The following CACNA1C variants were observed in gnomAD, a reference collection of about 807,000 sequenced individuals.
CACNA1C encodes the protein calcium voltage-gated channel subunit alpha1 C.
CACNA1C carries 30 observed loss-of-function variants against 229.0 expected under a neutral mutation model. The observed-to-expected ratio is 0.13, with a 90% confidence interval of 0.10 to 0.18. The LOEUF (loss-of-function observed/expected upper bound fraction) is 0.18. CACNA1C is among the 10% of genes least tolerant of loss of function. The probability of loss-of-function intolerance (pLI) is 1.00; values close to 1 mark genes in which losing one functional copy is unlikely to be tolerated. For synonymous variants in CACNA1C, 1,114 were observed against 1,132.5 expected (o/e 0.98, Z 0.33); for missense variants, 1,658 against 2,845.0 (o/e 0.58, Z 9.49).
intron 3 of CACNA1C, among the ~76,000 whole-genome samples, chr12:2,246,976 A>T (rs1407910246): frequency 1.3e-5 from 2 of 152,132 alleles, no homozygotes; most frequent in East Asian, 3.9e-4. Flanking sequence ...ATGCCTACAC[A>T]TGCCTGCAAT....
chr12:2,316,106 GA>G (rs2095675269), intron 3 of CACNA1C, among the ~76,000 whole-genome samples: 2 of 152,268 alleles, frequency 1.3e-5, no homozygotes, highest in African/African-American at 4.8e-5. Flanking sequence ...CTCCACCCAG[GA>G]AGCTGCTGGC....
chr12:2,325,900 G>A (rs993032219), intron 3 of CACNA1C, among the ~76,000 whole-genome samples: 4 of 152,186 alleles, frequency 2.6e-5, no homozygotes, highest in Admixed American at 6.5e-5. Context: ...TTCAGACATC[G>A]CCACCAGCCG....
At chr12:2,505,691 C>A (rs1157838384) in intron 8 of CACNA1C, among the ~76,000 whole-genome samples, 1 of 152,114 alleles carries the variant, frequency 6.6e-6, no homozygotes, top group African/African-American at 2.4e-5. Flanking sequence ...TGGAAGGAAG[C>A]ACCTGAGGAT....
At chr12:2,631,317 T>C (rs939159377) in intron 29 of CACNA1C, among the ~76,000 whole-genome samples, 7 of 152,326 alleles carry the variant, frequency 4.6e-5, no homozygotes, top group Admixed American at 2.0e-4. Flanking sequence ...TTGCACGCTT[T>C]CTAGGCTGAT....
Position 2,677,578 on chromosome 12 carries a change from C to T in CACNA1C, c.4957-155C>T. On this transcript the variant is annotated intron_variant, in intron 40 of 46. Coordinates refer to ENST00000399655, the MANE Select transcript of CACNA1C (RefSeq NM_000719.7). This position sits in a 1 kb window ranked among gnomAD's most constrained non-coding sequence, Gnocchi z 7.4. Reference sequence around the variant, plus strand: ...GTTCCATCAGAGGGCAGCCCAGCCCCCAGTTCACACACACACAAACCTTCC... The same window carrying T: ...GTTCCATCAGAGGGCAGCCCAGCCCTCAGTTCACACACACACAAACCTTCC... The T allele has an allele frequency of 1.2e-6, 1 of 820,802 alleles. No individual in the cohort carries two copies. The highest frequency in any genetic ancestry group is 1.9e-6 in the Non-Finnish European group (1 of 514,760). 50.8% of individuals were successfully genotyped at this position (820,802 alleles called of 1,614,324 possible).
At chr12:2,446,203 A>G (rs113448576) in intron 3 of CACNA1C, among the ~76,000 whole-genome samples, 18 of 89,838 alleles carry the variant, frequency 2.0e-4, no homozygotes, top group South Asian at 8.3e-4. Context: ...GGGTGGGTGG[A>G]TGGATGGATG....
intron 3 of CACNA1C, among the ~76,000 whole-genome samples, chr12:2,353,919 C>T (rs2097279369): frequency 6.6e-6 from 1 of 152,164 alleles, no homozygotes; most frequent in Non-Finnish European, 1.5e-5. Context: ...CACTGTCCTG[C>T]CATCAGCAGT....
intron 6 of CACNA1C, among the ~76,000 whole-genome samples, chr12:2,489,811 T>C (rs1206676678): frequency 1.3e-5 from 2 of 152,244 alleles, no homozygotes; most frequent in African/African-American, 4.8e-5. Context: ...ACCGAAAACT[T>C]AATTTGGACT....
At chr12:2,426,068 G>A (rs185150448) in intron 3 of CACNA1C, among the ~76,000 whole-genome samples, 10 of 152,338 alleles carry the variant, frequency 6.6e-5, no homozygotes, top group Non-Finnish European at 1.3e-4. Flanking sequence ...GAATGAGAGA[G>A]TAGGATACAG....
At chr12:2,490,870 A>G (rs2099722994) in intron 6 of CACNA1C, among the ~76,000 whole-genome samples, 1 of 152,216 alleles carries the variant, frequency 6.6e-6, no homozygotes, top group Admixed American at 6.5e-5. Context: ...AGGGACCAGC[A>G]GTGCAGACCT....
rs905431153 is a variant in CACNA1C at position 2,215,912 on chromosome 12, TG to T, written c.477+95483del. 2.6e-5 allele frequency among the ~76,000 whole-genome samples: 4 copies of T among 152,352 alleles called. No individual in the cohort carries two copies. Among genetic ancestry groups the T allele is most frequent in the Non-Finnish European group, 5.9e-5 (4 of 68,036 alleles). ...ACATCAGCCGTGGTTGTGAAATTTC[TG>T]ACAAAGATGCTGGGAACTCATCCTG... On this transcript the variant is annotated intron_variant, in intron 3 of 46. Transcript: ENST00000399655. The surrounding 1 kb of genome is among the most constrained non-coding windows in gnomAD (Gnocchi z 5.0).
chr12:2,441,888 G>T (rs1430903097), intron 3 of CACNA1C, among the ~76,000 whole-genome samples: 1 of 152,162 alleles, frequency 6.6e-6, no homozygotes, highest in Non-Finnish European at 1.5e-5. Context: ...CATTGCTCTG[G>T]TTCAAGAGGG....
chr12:2,265,941 C>A (rs538751001), intron 3 of CACNA1C, among the ~76,000 whole-genome samples: 9 of 152,270 alleles, frequency 5.9e-5, no homozygotes, highest in Non-Finnish European at 1.0e-4. Context: ...CTCTGCCCCC[C>A]TGCGCTCCAC....
At chr12:2,550,127 T>A in intron 10 of CACNA1C, 94 bp downstream of exon 10, 1 of 893,098 alleles carries the variant, frequency 1.1e-6, no homozygotes, top group Non-Finnish European at 1.8e-6. Flanking sequence ...GGCTCATCAC[T>A]AGGAAGGGCA....
chr12:2,305,081 G>A (rs952301791), intron 3 of CACNA1C, among the ~76,000 whole-genome samples: 2 of 152,170 alleles, frequency 1.3e-5, no homozygotes, highest in African/African-American at 4.8e-5. Context: ...GAGACTCCTT[G>A]GCAGGGGCTC....
chr12:2,677,852 A>C lies in CACNA1C; in HGVS notation c.5076A>C (p.Glu1692Asp). The C allele has an allele frequency of 6.2e-7, 1 of 1,614,022 alleles. No individual in the cohort carries two copies. Among genetic ancestry groups the C allele is most frequent in the Non-Finnish European group, 8.5e-7 (1 of 1,179,886 alleles). ...AGGAGGCTGTGTCCGCTGCTTCTGA[A>C]GATGACATCTTCAGGGTGGGTGGTG... ...AMKEAVSAAS[E>D]DDIFRRAGGL... The change falls in exon 41 of 47, where the codon GAA (glutamate) becomes GAC (aspartate). Residue 1692 changes from glutamate to aspartate, a missense_variant. Physicochemically the swap from Glu to Asp is conservative, Grantham distance 45 (BLOSUM62 2). Around this residue, in one of 20 missense-constraint regions of CACNA1C, gnomAD observed 590 missense variants for 700.8 expected, o/e 0.84. Transcript: ENST00000399655. The surrounding 1 kb of genome is among the most constrained non-coding windows in gnomAD (Gnocchi z 7.4).
chr12:2,282,904 A>G (rs771638740), intron 3 of CACNA1C, among the ~76,000 whole-genome samples: 10 of 152,052 alleles, frequency 6.6e-5, no homozygotes, highest in Non-Finnish European at 1.2e-4. Flanking sequence ...TTGGCTTTTC[A>G]TATTCAAGCT....
At chr12:2,079,828 C>T (rs1473273457) in intron 1 of CACNA1C, among the ~76,000 whole-genome samples, 1 of 152,144 alleles carries the variant, frequency 6.6e-6, no homozygotes, top group Non-Finnish European at 1.5e-5. Flanking sequence ...ATAAAATAAG[C>T]AGTCCAGGCT....
At chr12:2,107,739 G>A (rs1323320064) in intron 1 of CACNA1C, among the ~76,000 whole-genome samples, 1 of 152,196 alleles carries the variant, frequency 6.6e-6, no homozygotes, top group African/African-American at 2.4e-5. Flanking sequence ...GCATAGGGTG[G>A]TTAATTCTTG....
Sources: gnomAD v4.1 joint callset for allele counts (sites outside exome capture counted in the v4.1 genomes callset) on GRCh38, gnomAD v4.1.1 for gene constraint, gnomAD v4.1.1 regional missense constraint, Gnocchi (gnomAD v3.1) non-coding constraint, MANE v1.5 for transcripts, NCBI Gene and HGNC (gene_info 2026-07-23, HGNC 2026-07-21) for gene names.